The following HERC3 variants were observed in gnomAD, a reference collection of about 807,000 sequenced individuals.
HERC3 encodes probable E3 ubiquitin-protein ligase HERC3.
Under a neutral mutation model 129.9 loss-of-function variants are expected in HERC3, and 58 were observed. The ratio of observed to expected loss-of-function variants is 0.45; its 90% CI spans 0.36 to 0.56. The LOEUF is 0.56. Ranked by LOEUF, HERC3 falls within the 20% of genes least tolerant of loss-of-function variation. The probability of loss-of-function intolerance (pLI) is 0.00; values close to 1 mark genes in which losing one functional copy is unlikely to be tolerated. For missense variants in HERC3, 835 were observed against 1,244.2 expected (o/e 0.67, Z 4.95); for synonymous variants, 430 against 451.0 (o/e 0.95, Z 0.59).
At chr4:88,559,093 T>C in the HERC3 span, among the ~76,000 whole-genome samples, 1 of 152,194 alleles carries the variant, frequency 6.6e-6, no homozygotes. Context: ...AAGCTTACTA[T>C]AGTGAAGCAA....
At chr4:88,566,969 T>TG in the HERC3 span, among the ~76,000 whole-genome samples, 7 of 152,242 alleles carry the variant, frequency 4.6e-5, no homozygotes, top group African/African-American at 1.4e-4. Flanking sequence ...TTTGTTTTTT[T>TG]TGTGGAGTTG....
At chr4:88,594,368 G>C (rs1313992377) in intron 1 of HERC3, among the ~76,000 whole-genome samples, 1 of 152,144 alleles carries the variant, frequency 6.6e-6, no homozygotes, top group East Asian at 1.9e-4. Context: ...GATCGAATGG[G>C]ATTTTCTGCA....
At chr4:88,642,916 G>A (rs149963386) in intron 3 of HERC3, among the ~76,000 whole-genome samples, 3 of 150,780 alleles carry the variant, frequency 2.0e-5, no homozygotes, top group Non-Finnish European at 4.4e-5. Context: ...GGGGCGGGGG[G>A]TGTGTGGGTG....
intron 3 of HERC3, among the ~76,000 whole-genome samples, chr4:88,640,664 A>G (rs1048565280): frequency 3.3e-5 from 5 of 151,792 alleles, no homozygotes; most frequent in African/African-American, 9.7e-5. Context: ...GCAGCAAACC[A>G]CCATGGCACA....
At chr4:88,670,493 A>C (rs1349779768) in intron 16 of HERC3, among the ~76,000 whole-genome samples, 2 of 152,146 alleles carry the variant, frequency 1.3e-5, no homozygotes, top group Admixed American at 1.3e-4. Flanking sequence ...AAAAAATCAG[A>C]GTATCTAAAG....
At chr4:88,645,193 G>A (rs551085567) in intron 3 of HERC3, among the ~76,000 whole-genome samples, 2 of 152,258 alleles carry the variant, frequency 1.3e-5, no homozygotes, top group Non-Finnish European at 2.9e-5. Context: ...ATAGCAGCAG[G>A]AGGAAAGATG....
At chr4:88,567,379 C>T in the HERC3 span, among the ~76,000 whole-genome samples, 8 of 152,148 alleles carry the variant, frequency 5.3e-5, no homozygotes, top group African/African-American at 1.7e-4. Context: ...ACCTTTTACC[C>T]TGATCTTTCT....
the HERC3 span, among the ~76,000 whole-genome samples, chr4:88,531,974 T>C: frequency 6.6e-6 from 1 of 152,152 alleles, no homozygotes; most frequent in Non-Finnish European, 1.5e-5. Flanking sequence ...TGTTTCTGCT[T>C]TTCCAGCCAT....
chr4:88,579,666 T>C, the HERC3 span, among the ~76,000 whole-genome samples: 1 of 151,982 alleles, frequency 6.6e-6, no homozygotes, highest in African/African-American at 2.4e-5. Flanking sequence ...TATTATAGAG[T>C]ACAGTGGGCT....
intron 18 of HERC3, among the ~76,000 whole-genome samples, chr4:88,676,653 G>T (rs1041777979): frequency 1.3e-4 from 20 of 152,194 alleles, no homozygotes; most frequent in African/African-American, 4.8e-4. Context: ...AATGTTTTAA[G>T]CTTTGGGAAC....
the HERC3 span, among the ~76,000 whole-genome samples, chr4:88,533,087 C>T: frequency 1.5e-3 from 231 of 152,240 alleles, 1 homozygote; most frequent in Non-Finnish European, 2.5e-3. Context: ...AGCCTGTGGC[C>T]GAAGGCCGGA....
At chr4:88,704,072 A>T (rs1437137033) in intron 23 of HERC3, 26 bp from the exon 24 acceptor site, 4 of 1,603,468 alleles carry the variant, frequency 2.5e-6, no homozygotes, top group Non-Finnish European at 1.7e-6. Context: ...TTTGAGCTAA[A>T]TGTATTTTCT....
chr4:88,589,096 G>A (rs927476957), upstream of HERC3, among the ~76,000 whole-genome samples: 11 of 151,298 alleles, frequency 7.3e-5, no homozygotes, highest in African/African-American at 1.5e-4. Flanking sequence ...GCGTGTGTGC[G>A]TGTGTGTGTG....
chr4:88,696,659 A>G (rs1734627046), intron 23 of HERC3: 1 of 152,814 alleles, frequency 6.5e-6, no homozygotes, highest in Admixed American at 6.5e-5. Flanking sequence ...CATGATCTCC[A>G]TTGCAATCTT....
chr4:88,555,359 CAAA>C, the HERC3 span, among the ~76,000 whole-genome samples: 1 of 151,428 alleles, frequency 6.6e-6, no homozygotes, highest in Non-Finnish European at 1.5e-5. Context: ...AGTGTGGAAT[CAAA>C]AATTTAATTA....
At position 88,605,898 on chromosome 4, in the gene HERC3, C is replaced by T; in HGVS notation, c.75C>T (p.Pro25=). 1 of 1,614,148 alleles carries T rather than the reference C, an allele frequency of 6.2e-7. No homozygotes were observed. Among genetic ancestry groups the T allele is most frequent in the Non-Finnish European group, 8.5e-7 (1 of 1,180,038 alleles). The change falls in exon 3 of 26, where the codon CCC becomes CCT. Residue 25 remains proline (P), a synonymous_variant. Coordinates refer to ENST00000402738, the MANE Select transcript of HERC3 (RefSeq NM_014606.3). ...ACCTGCAGGGAATTGTGGCTGAGCC[C>T]CAGGTGTGTGGGTTCATATCTGACA... ...STNLQGIVAE[P]QVCGFISDRS...
At chr4:88,699,609 C>T (rs1735140211) in intron 23 of HERC3, among the ~76,000 whole-genome samples, 1 of 151,446 alleles carries the variant, frequency 6.6e-6, no homozygotes, top group African/African-American at 2.4e-5. Flanking sequence ...CATCTTACTG[C>T]ATGTATCACT....
In HERC3 at chr4:88,673,138, G is replaced by T. The variant is rs1469665596; in HGVS notation, c.1911+2886G>T. ...CTCCTCTAGAGGGCAGCACAAGTGG[G>T]GAAAGTCAGTGCCACAGTGTAAATA... On this transcript the variant is annotated intron_variant, in intron 16 of 25. Coordinates refer to ENST00000402738, the MANE Select transcript of HERC3 (RefSeq NM_014606.3). Among the ~76,000 whole-genome samples the T allele has an allele frequency of 4.6e-5, 7 of 152,282 alleles. No individual in the cohort carries two copies. The East Asian group carries it at 1.4e-3, about 29-fold the overall frequency.
At chr4:88,640,704 C>T (rs1262910836) in intron 3 of HERC3, among the ~76,000 whole-genome samples, 1 of 152,094 alleles carries the variant, frequency 6.6e-6, no homozygotes, top group Non-Finnish European at 1.5e-5. Context: ...CCTGCACGTT[C>T]TGCACATGTG....
Sources: allele counts gnomAD v4.1 joint callset (sites outside exome capture counted in the v4.1 genomes callset), GRCh38; gene constraint gnomAD v4.1.1; transcripts MANE v1.5; gene names NCBI Gene and HGNC (gene_info 2026-07-23, HGNC 2026-07-21).